The following CSMD3 variants were observed in gnomAD, a reference collection of about 807,000 sequenced individuals.
CSMD3 encodes CUB and Sushi multiple domains 3.
CSMD3 carries 177 observed loss-of-function variants against 435.2 expected under a neutral mutation model. The ratio of observed to expected loss-of-function variants is 0.41; its 90% confidence interval spans 0.36 to 0.46. The LOEUF (loss-of-function observed/expected upper bound fraction) is 0.46, where lower values mean the gene tolerates loss of function less well. Among genes scored for constraint, CSMD3 ranks in the 20% least tolerant of loss-of-function variants. The pLI, the probability that CSMD3 is intolerant of heterozygous loss-of-function variation, is 0.34. For missense variants in CSMD3, 4,265 were observed against 4,504.6 expected (o/e 0.95, Z 1.52); for synonymous variants, 1,656 against 1,520.5 (o/e 1.09, Z -2.07).
rs1044403979 is a variant in CSMD3 at position 112,733,933 on chromosome 8, G to A, written c.1973-43883C>T. Among the ~76,000 whole-genome samples, 4 of 151,930 alleles carry A rather than the reference G, an allele frequency of 2.6e-5. No homozygotes were observed. The South Asian group carries it at 6.2e-4, about 24-fold the overall frequency. Reference sequence around the variant, plus strand: ...TTAATTAATTTCTCCAGAGTGCTATGGACATGAGAAAATGTATGCAGTCTG... The same window carrying A: ...TTAATTAATTTCTCCAGAGTGCTATAGACATGAGAAAATGTATGCAGTCTG... On this transcript the variant is annotated intron_variant, in intron 13 of 70. Transcript: ENST00000297405.
chr8:112,865,684 CCCCACACACACACACA>C (rs1245017921), intron 10 of CSMD3, among the ~76,000 whole-genome samples: 12 of 136,342 alleles, frequency 8.8e-5, no homozygotes, highest in Admixed American at 1.5e-4. Context: ...CCTTTACATA[CCCCACACACACACACA>C]CACACACACA....
intron 4 of CSMD3, among the ~76,000 whole-genome samples, chr8:113,118,465 AT>A (rs1189166170): frequency 6.6e-6 from 1 of 152,140 alleles, no homozygotes. Context: ...ACCTAAATCA[AT>A]TTACTTAAGC....
intron 12 of CSMD3, among the ~76,000 whole-genome samples, chr8:112,805,088 A>T (rs2079053233): frequency 6.6e-6 from 1 of 152,096 alleles, no homozygotes; most frequent in Non-Finnish European, 1.5e-5. Flanking sequence ...TTCCCACACA[A>T]ATAGGGCCTC....
At chr8:112,550,637 T>A (rs1367674066) in intron 27 of CSMD3, 34 bp downstream of exon 27, 1 of 1,171,582 alleles carries the variant, frequency 8.5e-7, no homozygotes, top group African/African-American at 1.5e-5. Flanking sequence ...CACCTTCCTA[T>A]TTTGCATTGA....
At chr8:112,870,362 G>A (rs983481750) in intron 10 of CSMD3, among the ~76,000 whole-genome samples, 17 of 150,832 alleles carry the variant, frequency 1.1e-4, no homozygotes, top group Admixed American at 7.9e-4. Context: ...TCCACCTCCC[G>A]GGTTCACGCC....
chr8:112,545,825 C>A (rs540404017), intron 27 of CSMD3, among the ~76,000 whole-genome samples: 1 of 152,182 alleles, frequency 6.6e-6, no homozygotes, highest in South Asian at 2.1e-4. Context: ...TTTTAATGAA[C>A]TACTAATAGT....
chr8:112,391,501 G>C (rs990200383), intron 35 of CSMD3, among the ~76,000 whole-genome samples: 2 of 152,008 alleles, frequency 1.3e-5, no homozygotes, highest in Non-Finnish European at 2.9e-5. Flanking sequence ...AGACCAGCCT[G>C]GCCAATATGG....
intron 5 of CSMD3, among the ~76,000 whole-genome samples, chr8:113,075,594 G>A (rs1225741164): frequency 6.6e-6 from 1 of 151,740 alleles, no homozygotes; most frequent in African/African-American, 2.4e-5. Flanking sequence ...TGAGGCCTTG[G>A]CTAATTCATT....
At chr8:112,542,867 A>G (rs2131147495) in intron 27 of CSMD3, among the ~76,000 whole-genome samples, 1 of 152,246 alleles carries the variant, frequency 6.6e-6, no homozygotes, top group East Asian at 1.9e-4. Flanking sequence ...ACAAACAGAG[A>G]CATATAGAAC....
In CSMD3 at chr8:112,255,397, G is replaced by A. The variant is rs774388897; in HGVS notation, c.9893C>T (p.Ala3298Val). 1.2e-6 allele frequency: 2 copies of A among 1,613,546 alleles called. No individual in the cohort carries two copies. The highest frequency in any genetic ancestry group is 8.5e-7 in the Non-Finnish European group (1 of 1,179,738). Reference sequence around the variant, plus strand: ...GCTTTTGCCTTCTCTTTTTCCTTGGGCAGGTATACCAGGGTCACCACAAAA... The same window carrying A: ...GCTTTTGCCTTCTCTTTTTCCTTGGACAGGTATACCAGGGTCACCACAAAA... ...PKFCGDPGIP[A>V]QGKREGKSFI... is the part of the protein sequence containing the mutation. The change falls in exon 62 of 71, where the codon GCC (alanine) becomes GTC (valine). Residue 3298 changes from alanine (A) to valine (V), a missense_variant. Physicochemically the swap from Ala to Val is moderately conservative, Grantham distance 64 (BLOSUM62 0). Around this residue, in one of 3 missense-constraint regions of CSMD3, gnomAD observed 3,255 missense variants for 3,380.2 expected, o/e 0.96. Transcript: ENST00000297405.
In CSMD3 at chr8:112,244,410, T is replaced by A. The variant is rs2130107632; in HGVS notation, c.10386A>T (p.Lys3462Asn). ...AAAACTTACCTTCACAAATGGGAAC[T>A]TTTCCAGTCCAGGTGTTATCGGATC... ...VCRSDNTWTGKVPICEAGSKI... is the reference protein window; with the variant it reads ...VCRSDNTWTGNVPICEAGSKI... The change falls in exon 65 of 71, where the codon AAA becomes AAT. Residue 3462 changes from lysine to asparagine, a missense_variant. Physicochemically the swap from Lys to Asn is moderately conservative, Grantham distance 94. Around this residue, in one of 3 missense-constraint regions of CSMD3, gnomAD observed 3,255 missense variants for 3,380.2 expected, o/e 0.96. Coordinates refer to ENST00000297405, the MANE Select transcript of CSMD3 (RefSeq NM_198123.2). 3 of 1,612,578 alleles carry A rather than the reference T, an allele frequency of 1.9e-6. No individual in the cohort carries two copies. Among genetic ancestry groups the A allele is most frequent in the Non-Finnish European group, 2.5e-6 (3 of 1,179,340 alleles).
intron 4 of CSMD3, among the ~76,000 whole-genome samples, chr8:113,146,400 A>C (rs537462545): frequency 1.3e-5 from 2 of 151,642 alleles, no homozygotes; most frequent in East Asian, 3.9e-4. Context: ...TGACACAACA[A>C]TATGCATACT....
intron 5 of CSMD3, among the ~76,000 whole-genome samples, chr8:113,057,894 T>G (rs187228994): frequency 6.6e-6 from 1 of 152,004 alleles, no homozygotes; most frequent in South Asian, 2.1e-4. Context: ...GGTAGATAAC[T>G]ATGGTATTGA....
intron 13 of CSMD3, among the ~76,000 whole-genome samples, chr8:112,742,909 A>ATTTGAAAG (rs2077343980): frequency 6.6e-6 from 1 of 152,018 alleles, no homozygotes; most frequent in African/African-American, 2.4e-5. Context: ...GTATAGTCAC[A>ATTTGAAAG]CAGGGTCCAC....
At chr8:112,282,111 G>A (rs1471970311) in intron 58 of CSMD3, among the ~76,000 whole-genome samples, 4 of 151,936 alleles carry the variant, frequency 2.6e-5, no homozygotes, top group Non-Finnish European at 4.4e-5. Flanking sequence ...AGGCATTTTA[G>A]TACCTTACAG....
At chr8:113,267,579 C>T (rs2093481626) in intron 3 of CSMD3, among the ~76,000 whole-genome samples, 1 of 151,354 alleles carries the variant, frequency 6.6e-6, no homozygotes, top group Admixed American at 6.6e-5. Context: ...AGATAGAAAA[C>T]AGAAACTTGG....
intron 45 of CSMD3, among the ~76,000 whole-genome samples, chr8:112,325,565 C>A (rs933466600): frequency 5.3e-5 from 8 of 151,900 alleles, no homozygotes; most frequent in Non-Finnish European, 1.0e-4. Flanking sequence ...GGGCATAATC[C>A]AGTGTTCAGC....
chr8:112,413,446 C>A lies in CSMD3; in HGVS notation c.5396-4414G>T, dbSNP rs1386411749. 4.6e-5 allele frequency among the ~76,000 whole-genome samples: 7 copies of A among 152,270 alleles called. No homozygotes were observed. In the South Asian group the frequency reaches 1.4e-3, roughly 32 times the overall value. ...TTCCTTTGGTCACATTCATTTAATACCTGAGACTTCATCCAATTTGCTTAA... is the reference window on the plus strand; with the variant it reads ...TTCCTTTGGTCACATTCATTTAATAACTGAGACTTCATCCAATTTGCTTAA... On this transcript the variant is annotated intron_variant, in intron 32 of 70. Coordinates refer to ENST00000297405, the MANE Select transcript of CSMD3 (RefSeq NM_198123.2).
intron 1 of CSMD3, among the ~76,000 whole-genome samples, chr8:113,317,205 T>C (rs1219432271): frequency 6.6e-6 from 1 of 152,104 alleles, no homozygotes; most frequent in Non-Finnish European, 1.5e-5. Flanking sequence ...AAATAAAAGG[T>C]CTCTTTTTAA....
Sources: gnomAD v4.1 joint callset for allele counts (sites outside exome capture counted in the v4.1 genomes callset) on GRCh38, gnomAD v4.1.1 for gene constraint, gnomAD v4.1.1 regional missense constraint, MANE v1.5 for transcripts, NCBI Gene and HGNC (gene_info 2026-07-23, HGNC 2026-07-21) for gene names.